IL1RAPL2: variants seen among roughly 807,000 people sequenced by gnomAD.
IL1RAPL2 encodes the protein interleukin 1 receptor accessory protein like 2, also known as X-linked interleukin-1 receptor accessory protein-like 2.
IL1RAPL2 carries 3 observed loss-of-function variants against 44.1 expected under a neutral mutation model. The ratio of observed to expected loss-of-function variants is 0.07; its 90% CI spans 0.03 to 0.18. The LOEUF is 0.18. IL1RAPL2 is among the 10% of genes least tolerant of loss of function. IL1RAPL2 has a pLI of 1.00. For missense variants in IL1RAPL2, 391 were observed against 496.4 expected (o/e 0.79, Z 2.02); for synonymous variants, 181 against 178.8 (o/e 1.01, Z -0.10).
intron 2 of IL1RAPL2, among the ~76,000 whole-genome samples, chrX:104,763,231 T>C (rs1932497368): frequency 8.9e-6 from 1 of 112,105 alleles, no homozygotes; most frequent in African/African-American, 3.2e-5. Flanking sequence ...TAGCAAGGGC[T>C]ACTTTTGCTC....
At chrX:104,813,250 T>G (rs767293062) in intron 2 of IL1RAPL2, among the ~76,000 whole-genome samples, 1 of 111,071 alleles carries the variant, frequency 9.0e-6, no homozygotes, top group Non-Finnish European at 1.9e-5. Flanking sequence ...AGGGATTGCT[T>G]TAGGAAACAG....
chrX:105,659,473 C>A (rs992188830), intron 6 of IL1RAPL2, among the ~76,000 whole-genome samples: 1 of 108,768 alleles, frequency 9.2e-6, no homozygotes, highest in African/African-American at 3.3e-5. Flanking sequence ...CTGGCTAAAA[C>A]GGTGAAACCC....
intron 1 of IL1RAPL2, among the ~76,000 whole-genome samples, chrX:104,626,309 TGTGC>T (rs754027320): frequency 0.012 from 1,238 of 106,721 alleles, 21 homozygotes; most frequent in African/African-American, 0.037. Context: ...CGTGTGTGTG[TGTGC>T]GTGTGTGTGT....
rs151009163 is a variant in IL1RAPL2, at chrX:105,291,390, G to A, written c.697+23849G>A. Reference sequence around the variant, plus strand: ...GAAACTAAATTGTAATGTTTTTTAAGCAATCATAATGGATTTGTGGCATTT... The same window carrying A: ...GAAACTAAATTGTAATGTTTTTTAAACAATCATAATGGATTTGTGGCATTT... On this transcript the variant is annotated intron_variant, in intron 5 of 10. Transcript: ENST00000372582. Among the ~76,000 whole-genome samples, 625 of 111,571 alleles carry A rather than the reference G, an allele frequency of 5.6e-3. 10 individuals are homozygous for A. Among genetic ancestry groups the A allele is most frequent in the African/African-American group, 0.02 (600 of 30,761 alleles).
intron 8 of IL1RAPL2, among the ~76,000 whole-genome samples, chrX:105,748,340 T>C (rs1482915543): frequency 8.9e-6 from 1 of 112,092 alleles, no homozygotes; most frequent in Non-Finnish European, 1.9e-5. Flanking sequence ...CTGTTTTAGC[T>C]CCATTGGGCA....
intron 1 of IL1RAPL2, among the ~76,000 whole-genome samples, chrX:104,576,747 A>G (rs1928250772): frequency 9.0e-6 from 1 of 111,490 alleles, no homozygotes; most frequent in African/African-American, 3.3e-5. Context: ...TCTTCATCTG[A>G]TTCTAGACTC....
At chrX:104,651,805 A>G (rs1309594926) in intron 1 of IL1RAPL2, among the ~76,000 whole-genome samples, 1 of 111,771 alleles carries the variant, frequency 8.9e-6, no homozygotes, top group African/African-American at 3.2e-5. Flanking sequence ...TTTGAATCAT[A>G]AGCCTTCCTT....
intron 7 of IL1RAPL2, among the ~76,000 whole-genome samples, chrX:105,731,196 A>G (rs2038402758): frequency 1.8e-5 from 2 of 111,643 alleles, no homozygotes. Flanking sequence ...GACACATTAC[A>G]ACTGATACCA....
At chrX:105,307,169 C>T (rs1417535265) in intron 5 of IL1RAPL2, among the ~76,000 whole-genome samples, 1 of 107,837 alleles carries the variant, frequency 9.3e-6, no homozygotes, top group Admixed American at 1.0e-4. Context: ...AATCACTTCC[C>T]TCCCTCAACA....
At chrX:105,047,820 C>T (rs1027759718) in intron 2 of IL1RAPL2, among the ~76,000 whole-genome samples, 1 of 111,070 alleles carries the variant, frequency 9.0e-6, no homozygotes, top group Non-Finnish European at 1.9e-5. Flanking sequence ...TTGCTATTAC[C>T]AAGAAAAACT....
intron 2 of IL1RAPL2, among the ~76,000 whole-genome samples, chrX:104,715,394 G>T (rs1602693733): frequency 1.2e-5 from 1 of 84,665 alleles, no homozygotes; most frequent in African/African-American, 4.4e-5. Flanking sequence ...CTAGCTAGTA[G>T]TCTATTTTAT....
chrX:105,123,806 C>T (rs1487836140), intron 2 of IL1RAPL2, among the ~76,000 whole-genome samples: 4 of 110,884 alleles, frequency 3.6e-5, no homozygotes, highest in Admixed American at 9.6e-5. Context: ...CATTTATCAA[C>T]GTTCTCTTTT....
At chrX:105,579,218 T>C (rs2037071523) in intron 6 of IL1RAPL2, among the ~76,000 whole-genome samples, 1 of 111,830 alleles carries the variant, frequency 8.9e-6, no homozygotes, top group African/African-American at 3.2e-5. Context: ...GAAAAAAATA[T>C]CAACCCTATG....
intron 4 of IL1RAPL2, among the ~76,000 whole-genome samples, chrX:105,251,885 T>C (rs1017050436): frequency 9.0e-6 from 1 of 111,490 alleles, no homozygotes; most frequent in Non-Finnish European, 1.9e-5. Context: ...GCCAGAAATA[T>C]AGTTACCTAA....
chrX:104,951,498 A>G (rs866545743), intron 2 of IL1RAPL2, among the ~76,000 whole-genome samples: 4 of 112,658 alleles, frequency 3.6e-5, no homozygotes, highest in African/African-American at 1.3e-4. Flanking sequence ...GACGTTACCA[A>G]AAAAGTGAAA....
At chrX:105,075,146 T>G (rs1291887959) in intron 2 of IL1RAPL2, among the ~76,000 whole-genome samples, 2 of 111,375 alleles carry the variant, frequency 1.8e-5, no homozygotes, top group African/African-American at 6.5e-5. Context: ...GCTTCCAGTT[T>G]TTGCCCATTC....
At chrX:105,286,604 A>G (rs1339448976) in intron 5 of IL1RAPL2, among the ~76,000 whole-genome samples, 3 of 88,393 alleles carry the variant, frequency 3.4e-5, no homozygotes, top group Admixed American at 1.0e-4. Flanking sequence ...AGAACAAAAC[A>G]GCCTTTTTTT....
chrX:105,483,516 C>T (rs1387531441), intron 5 of IL1RAPL2, among the ~76,000 whole-genome samples: 3 of 111,253 alleles, frequency 2.7e-5, no homozygotes, highest in Middle Eastern at 4.3e-3. Flanking sequence ...AAATCTTCTC[C>T]ACTCTCTGCC....
At chrX:104,693,139 A>G (rs1280703743) in intron 2 of IL1RAPL2, among the ~76,000 whole-genome samples, 1 of 112,204 alleles carries the variant, frequency 8.9e-6, no homozygotes, top group Non-Finnish European at 1.9e-5. Flanking sequence ...GGTATACCCT[A>G]AAACTTTTTG....
Sources: allele counts gnomAD v4.1 joint callset (sites outside exome capture counted in the v4.1 genomes callset), GRCh38; gene constraint gnomAD v4.1.1; transcripts MANE v1.5; gene names NCBI Gene and HGNC (gene_info 2026-07-23, HGNC 2026-07-21).